APC: variants seen among roughly 807,000 people sequenced by gnomAD.
APC encodes the protein APC regulator of Wnt signaling pathway.
A neutral mutation model predicts 247.0 loss-of-function variants in APC; 72 were observed. The ratio of observed to expected loss-of-function variants is 0.29; its 90% CI spans 0.24 to 0.35. APC has a LOEUF of 0.35. Ranked by LOEUF, APC falls within the 10% of genes least tolerant of loss-of-function variation. APC has a pLI of 1.00. For missense variants in APC, 3,400 were observed against 3,360.7 expected, an observed-to-expected ratio of 1.01 and a Z score of -0.29; for synonymous variants, 1,254 against 1,162.5, an observed-to-expected ratio of 1.08 and a Z score of -1.60.
chr5:112,721,722 GT>G (rs1006097353), intron 1 of APC, among the ~76,000 whole-genome samples: 69 of 152,210 alleles, frequency 4.5e-4, no homozygotes, highest in African/African-American at 1.7e-3. Context: ...AGGAGAAATG[GT>G]TTGGAAGTGA....
intron 8 of APC, among the ~76,000 whole-genome samples, chr5:112,812,128 T>G (rs910680212): frequency 6.6e-5 from 10 of 152,094 alleles, no homozygotes; most frequent in Non-Finnish European, 1.5e-4. Flanking sequence ...TGAGAGTGCT[T>G]CTCATCACCT....
chr5:112,822,620 T>A (rs968652364), intron 11 of APC, among the ~76,000 whole-genome samples: 1 of 152,144 alleles, frequency 6.6e-6, no homozygotes, highest in Admixed American at 6.5e-5. Context: ...TATGTAATGG[T>A]TTTTCTTTGA....
chr5:112,764,294 G>C (rs1756023020), intron 2 of APC, among the ~76,000 whole-genome samples: 1 of 151,594 alleles, frequency 6.6e-6, no homozygotes, highest in South Asian at 2.1e-4. Context: ...CCTTAAAAAG[G>C]CTGCTCTGAC....
At chr5:112,727,106 AC>A (rs1460494520) in intron 1 of APC, among the ~76,000 whole-genome samples, 1 of 151,962 alleles carries the variant, frequency 6.6e-6, no homozygotes, top group Non-Finnish European at 1.5e-5. Context: ...TTACTTTTGC[AC>A]CAACCTACTC....
At chr5:112,806,086 T>C (rs1450942015) in intron 8 of APC, among the ~76,000 whole-genome samples, 1 of 152,162 alleles carries the variant, frequency 6.6e-6, no homozygotes, top group Non-Finnish European at 1.5e-5. Flanking sequence ...ACCTGTTCCA[T>C]GTAGTGTTTG....
chr5:112,840,453 C>T lies in APC; in HGVS notation c.4859C>T (p.Ser1620Leu), dbSNP rs2149925708. 1 of 1,614,232 alleles carries T rather than the reference C, an allele frequency of 6.2e-7. No individual in the cohort carries two copies. The highest frequency in any genetic ancestry group is 2.2e-5 in the East Asian group (1 of 44,880). The change falls in exon 16 of 16, where the codon TCA becomes TTA. Residue 1620 changes from serine (S) to leucine (L), a missense_variant. Ser to Leu is a moderately radical substitution (Grantham distance 145). Coordinates refer to ENST00000257430, the MANE Select transcript of APC (RefSeq NM_000038.6). This position sits in a 1 kb window ranked among gnomAD's most constrained non-coding sequence, Gnocchi z 4.1. Reference protein sequence around the residue: ...SQLPVYKLLPSQNRLQPQKHV... With the variant: ...SQLPVYKLLPLQNRLQPQKHV... ...CTGCCTGTGTACAAACTTCTACCAT[C>T]ACAAAACAGGTTGCAACCCCAAAAG...
rs142650875 is a variant in APC, at chr5:112,724,151, G to A, written c.165+16269G>A. ...GAAGTGAGCAGGCTATCCTATGCTT[G>A]TTATTTTTTCACATGTATTTTTAAC... On this transcript the variant is annotated intron_variant, in intron 1 of 13. Coordinates refer to the APC transcript ENST00000507379. Among the ~76,000 whole-genome samples the A allele has an allele frequency of 5.0e-4, 76 of 152,238 alleles. No individual in the cohort carries two copies. In the Middle Eastern group the frequency reaches 0.014, roughly 27 times the overall value.
chr5:112,829,049 G>T, intron 14 of APC, 77 bp downstream of exon 14: 1 of 1,005,540 alleles, frequency 9.9e-7, no homozygotes, highest in Non-Finnish European at 1.6e-6. Flanking sequence ...TTAGCCATGA[G>T]ATTTCCTAAT....
chr5:112,843,355 G>A lies in APC; in HGVS notation c.7761G>A (p.Glu2587=), dbSNP rs1766560812. 1.9e-6 allele frequency: 3 copies of A among 1,613,772 alleles called. No homozygotes were observed. The East Asian group carries it at 6.7e-5, about 36-fold the overall frequency. The change falls in exon 16 of 16, where the codon GAG becomes GAA. Residue 2587 remains glutamate, a synonymous_variant. Coordinates refer to ENST00000257430, the MANE Select transcript of APC (RefSeq NM_000038.6). This position sits in a 1 kb window ranked among gnomAD's most constrained non-coding sequence, Gnocchi z 4.8. ...SSESSEKAKS[E]DEKHVNSISG... ...AATCCAGTGAAAAAGCAAAAAGTGAGGATGAAAAACATGTGAACTCTATTT... is the reference window on the plus strand; with the variant it reads ...AATCCAGTGAAAAAGCAAAAAGTGAAGATGAAAAACATGTGAACTCTATTT...
At chr5:112,818,844 T>TTGG in intron 9 of APC, 122 bp from the exon 10 acceptor site, 1 of 842,620 alleles carries the variant, frequency 1.2e-6, no homozygotes, top group South Asian at 1.7e-5. Flanking sequence ...GTTTTTTTTT[T>TTGG]GGCGGGGGGG....
chr5:112,760,614 T>C (rs1226899889), intron 2 of APC, among the ~76,000 whole-genome samples: 1 of 152,188 alleles, frequency 6.6e-6, no homozygotes, highest in African/African-American at 2.4e-5. Context: ...GAGGGAGACC[T>C]ACCTAGTATA....
chr5:112,781,525 C>T (rs1333782300), intron 6 of APC, among the ~76,000 whole-genome samples: 1 of 151,992 alleles, frequency 6.6e-6, no homozygotes, highest in African/African-American at 2.4e-5. Flanking sequence ...TCAAAACTAG[C>T]GTGGGTTGTT....
rs1057521474 is a variant in APC, at chr5:112,839,491, T to A, written c.3897T>A (p.Ala1299=). Residue 1299 remains alanine (A), a synonymous_variant, in exon 16 of 16, where the codon GCT becomes GCA. Transcript: ENST00000257430. The surrounding 1 kb of genome is among the most constrained non-coding windows in gnomAD (Gnocchi z 5.0). ...AGACGACACAGGAAGCAGATTCTGC[T>A]AATACCCTGCAAATAGCAGAAATAA... ...CNQTTQEADS[A]NTLQIAEIKE... is the part of the protein sequence containing the mutation. The A allele has an allele frequency of 6.2e-7, 1 of 1,614,128 alleles. No individual in the cohort carries two copies. The highest frequency in any genetic ancestry group is 1.3e-5 in the African/African-American group (1 of 74,958).
In APC at chr5:112,760,645, A is replaced by G. The variant is rs376098082; in HGVS notation, c.135+5620A>G. ...GTATATCAAACATGACTGGTTTTCC[A>G]TTCAAGATAAATGTCAGATTTTGAT... On this transcript the variant is annotated intron_variant, in intron 2 of 15. Coordinates refer to ENST00000257430, the MANE Select transcript of APC (RefSeq NM_000038.6). Among the ~76,000 whole-genome samples the G allele has an allele frequency of 3.9e-4, 59 of 152,354 alleles. 1 individual carries two copies. The highest frequency in any genetic ancestry group is 1.3e-3 in the African/African-American group (56 of 41,586).
chr5:112,783,756 C>T (rs1241481957), intron 6 of APC: 2 of 324,400 alleles, frequency 6.2e-6, no homozygotes, highest in African/African-American at 5.3e-5. Context: ...ACAATCTCAC[C>T]ACTGCACTCA....
intron 8 of APC, among the ~76,000 whole-genome samples, chr5:112,814,877 C>G (rs909859719): frequency 1.3e-5 from 2 of 152,348 alleles, no homozygotes; most frequent in East Asian, 3.9e-4. Context: ...CTCCGTCAGT[C>G]TCCTGTCACA....
At chr5:112,795,722 T>C (rs1359334101) in intron 7 of APC, among the ~76,000 whole-genome samples, 1 of 152,214 alleles carries the variant, frequency 6.6e-6, no homozygotes, top group Non-Finnish European at 1.5e-5. Flanking sequence ...AAAGACACTT[T>C]TAGATAGGCA....
At chr5:112,789,309 A>T (rs1181525811) in intron 6 of APC, among the ~76,000 whole-genome samples, 1 of 152,216 alleles carries the variant, frequency 6.6e-6, no homozygotes, top group African/African-American at 2.4e-5. Flanking sequence ...TTTGAGCACC[A>T]TGTGGGTGCT....
intron 8 of APC, among the ~76,000 whole-genome samples, chr5:112,812,137 C>T (rs1296936436): frequency 2.6e-5 from 4 of 152,162 alleles, no homozygotes; most frequent in African/African-American, 9.7e-5. Flanking sequence ...TTCTCATCAC[C>T]TCTATAGCAT....
Sources: allele counts gnomAD v4.1 joint callset (sites outside exome capture counted in the v4.1 genomes callset), GRCh38; gene constraint gnomAD v4.1.1; non-coding constraint Gnocchi (gnomAD v3.1); transcripts MANE v1.5; gene names NCBI Gene and HGNC (gene_info 2026-07-23, HGNC 2026-07-21).